IL1RAPL2: variants seen among roughly 807,000 people sequenced by gnomAD.
The protein encoded by IL1RAPL2 is interleukin 1 receptor accessory protein like 2.
IL1RAPL2 carries 3 observed loss-of-function variants against 44.1 expected under a neutral mutation model. That is an observed-to-expected ratio of 0.07 (90% confidence interval 0.03 to 0.18). The LOEUF (loss-of-function observed/expected upper bound fraction) is 0.18. IL1RAPL2 is among the 10% of genes least tolerant of loss of function. The pLI is 1.00. For missense variants in IL1RAPL2, 391 were observed against 496.4 expected, an observed-to-expected ratio of 0.79 and a Z score of 2.02; for synonymous variants, 181 against 178.8, an observed-to-expected ratio of 1.01 and a Z score of -0.10.
intron 2 of IL1RAPL2, among the ~76,000 whole-genome samples, chrX:104,908,520 A>C (rs1019621238): frequency 1.8e-5 from 2 of 110,845 alleles, no homozygotes; most frequent in South Asian, 3.9e-4. Context: ...ATCTCTCAGC[A>C]TTTGCTCGTC....
intron 2 of IL1RAPL2, among the ~76,000 whole-genome samples, chrX:104,804,951 T>C (rs1333425505): frequency 8.9e-6 from 1 of 112,198 alleles, no homozygotes; most frequent in Non-Finnish European, 1.9e-5. Flanking sequence ...ACATTATTAT[T>C]TGACAAATGA....
At chrX:104,951,903 A>T (rs1925595570) in intron 2 of IL1RAPL2, among the ~76,000 whole-genome samples, 1 of 112,278 alleles carries the variant, frequency 8.9e-6, no homozygotes, top group South Asian at 3.7e-4. Flanking sequence ...AAAGATTTAA[A>T]AAAGACGTTA....
At chrX:105,299,531 C>G (rs747798129) in intron 5 of IL1RAPL2, among the ~76,000 whole-genome samples, 1 of 111,232 alleles carries the variant, frequency 9.0e-6, no homozygotes, top group Non-Finnish European at 1.9e-5. Flanking sequence ...TAATCTTGTT[C>G]CTCTGTGGGG....
chrX:105,212,425 G>A (rs1404386510), intron 3 of IL1RAPL2, among the ~76,000 whole-genome samples: 1 of 108,005 alleles, frequency 9.3e-6, no homozygotes, highest in African/African-American at 3.7e-5. Context: ...CTACTCACTG[G>A]GCAGGGCATC....
At chrX:105,380,055 G>C (rs200342961) in intron 5 of IL1RAPL2, among the ~76,000 whole-genome samples, 1 of 111,784 alleles carries the variant, frequency 8.9e-6, no homozygotes, top group Non-Finnish European at 1.9e-5. Context: ...TAATTTACTC[G>C]TGATAAATTA....
chrX:105,752,821 T>C (rs994619140), intron 9 of IL1RAPL2, among the ~76,000 whole-genome samples: 2 of 112,010 alleles, frequency 1.8e-5, no homozygotes, highest in Non-Finnish European at 3.8e-5. Flanking sequence ...CACTAGCTGG[T>C]ATCCTAGAGC....
intron 5 of IL1RAPL2, among the ~76,000 whole-genome samples, chrX:105,292,530 C>T: frequency 8.9e-6 from 1 of 111,899 alleles, no homozygotes; most frequent in Middle Eastern, 4.7e-3. Flanking sequence ...TATATCACAA[C>T]AGGTTGAATG....
chrX:105,697,066 G>T (rs367798603), intron 6 of IL1RAPL2, among the ~76,000 whole-genome samples: 23 of 109,640 alleles, frequency 2.1e-4, no homozygotes, highest in African/African-American at 6.6e-4. Context: ...TGAGAAAAAG[G>T]GGGGGAAATG....
chrX:104,937,844 T>C (rs1925063314), intron 2 of IL1RAPL2, among the ~76,000 whole-genome samples: 1 of 112,762 alleles, frequency 8.9e-6, no homozygotes, highest in African/African-American at 3.2e-5. Context: ...CCATTTCATT[T>C]TCTATCTTAC....
At chrX:105,267,653 C>A in intron 5 of IL1RAPL2, 112 bp downstream of exon 5, 1 of 543,649 alleles carries the variant, frequency 1.8e-6, no homozygotes. Context: ...GAATTGCCTG[C>A]AAATCAAATA....
chrX:104,809,571 GTTGT>G (rs1211517763), intron 2 of IL1RAPL2, among the ~76,000 whole-genome samples: 6 of 109,794 alleles, frequency 5.5e-5, no homozygotes, highest in Admixed American at 9.7e-5. Flanking sequence ...TTTTGATGGG[GTTGT>G]TTGTTTTTTT....
chrX:105,184,686 AAT>A (rs782566442), intron 2 of IL1RAPL2, among the ~76,000 whole-genome samples: 97 of 110,307 alleles, frequency 8.8e-4, no homozygotes, highest in Non-Finnish European at 1.6e-3. Context: ...ATGTAAAATG[AAT>A]ATGTTTGAAA....
At chrX:105,612,557 G>A (rs930373395) in intron 6 of IL1RAPL2, among the ~76,000 whole-genome samples, 1 of 112,353 alleles carries the variant, frequency 8.9e-6, no homozygotes, top group Non-Finnish European at 1.9e-5. Flanking sequence ...AATCAAGTGA[G>A]TACTTACAGT....
intron 2 of IL1RAPL2, among the ~76,000 whole-genome samples, chrX:105,144,953 CACTT>C (rs1209650553): frequency 1.8e-5 from 2 of 111,316 alleles, no homozygotes; most frequent in African/African-American, 6.5e-5. Flanking sequence ...CCATTTATAA[CACTT>C]ACTATAATGC....
At chrX:104,955,644 C>T (rs1384494300) in intron 2 of IL1RAPL2, among the ~76,000 whole-genome samples, 1 of 109,996 alleles carries the variant, frequency 9.1e-6, no homozygotes, top group Non-Finnish European at 1.9e-5. Flanking sequence ...TTAGCCCTTA[C>T]TTATTACTTG....
At chrX:105,286,793 A>G (rs2034575715) in intron 5 of IL1RAPL2, among the ~76,000 whole-genome samples, 1 of 111,683 alleles carries the variant, frequency 9.0e-6, no homozygotes, top group South Asian at 3.7e-4. Context: ...AATCATATCT[A>G]TTTTGCCCTT....
intron 5 of IL1RAPL2, among the ~76,000 whole-genome samples, chrX:105,381,259 G>T (rs916133427): frequency 5.4e-5 from 6 of 111,408 alleles, no homozygotes; most frequent in Admixed American, 4.8e-4. Context: ...TGTAAGATCT[G>T]TCTGACTCCT....
At chrX:104,651,924 C>T (rs1169538402) in intron 1 of IL1RAPL2, among the ~76,000 whole-genome samples, 1 of 111,163 alleles carries the variant, frequency 9.0e-6, no homozygotes, top group Non-Finnish European at 1.9e-5. Flanking sequence ...GGTTTGGGGT[C>T]TCCAAAAAGC....
At chrX:105,600,225 AG>A (rs1460741657) in intron 6 of IL1RAPL2, among the ~76,000 whole-genome samples, 36 of 110,950 alleles carry the variant, frequency 3.2e-4, no homozygotes, top group Non-Finnish European at 3.8e-5. Context: ...ATATTTATTT[AG>A]AGTTGTTTAC....
Sources: gnomAD v4.1 joint callset for allele counts (sites outside exome capture counted in the v4.1 genomes callset) on GRCh38, gnomAD v4.1.1 for gene constraint, MANE v1.5 for transcripts, NCBI Gene and HGNC (gene_info 2026-07-23, HGNC 2026-07-21) for gene names.